The following HSDL1 variants were observed in gnomAD, a reference collection of about 807,000 sequenced individuals.
The protein encoded by HSDL1 is hydroxysteroid dehydrogenase like 1.
HSDL1 carries 29 observed loss-of-function variants against 31.5 expected under a neutral mutation model. That is an observed-to-expected ratio of 0.92 (90% CI 0.69 to 1.26). The LOEUF is 1.26. HSDL1 is among the 50% of genes most tolerant of loss of function. The probability of loss-of-function intolerance (pLI) is 0.00; values close to 1 mark genes in which losing one functional copy is unlikely to be tolerated. For synonymous variants in HSDL1, 222 were observed against 155.2 expected, an observed-to-expected ratio of 1.43 and a Z score of -3.20; for missense variants, 503 against 416.6, an observed-to-expected ratio of 1.21 and a Z score of -1.81.
intron 5 of HSDL1, among the ~76,000 whole-genome samples, chr16:84,126,902 A>G (rs1354523489): frequency 6.6e-6 from 1 of 152,252 alleles, no homozygotes; most frequent in Non-Finnish European, 1.5e-5. Flanking sequence ...TAAAATGAAA[A>G]CAGAAAGTTT....
intron 3 of HSDL1, 42 bp downstream of exon 3, chr16:84,131,060 C>A: frequency 6.7e-7 from 1 of 1,487,884 alleles, no homozygotes; most frequent in Non-Finnish European, 9.3e-7. Context: ...ATAATGCATC[C>A]GACTTCACAG....
chr16:84,123,516 T>G lies in HSDL1; in HGVS notation c.*1114A>C, dbSNP rs2086574747. The G allele has an allele frequency of 6.6e-6, 1 of 152,238 alleles. No homozygotes were observed. The highest frequency in any genetic ancestry group is 2.4e-5 in the African/African-American group (1 of 41,454). The allele number at this position is 152,238 out of a possible 1,614,324, so 9.4% of individuals were successfully genotyped here. On this transcript the variant is annotated 3_prime_UTR_variant, in exon 6 of 6. Transcript: ENST00000219439. ...TTGTGAGGGTTTGTGCATAATTATC[T>G]TCACACCAGTAAAGGTATTCACTAC...
intron 2 of HSDL1, among the ~76,000 whole-genome samples, chr16:84,133,658 G>T (rs770552152): frequency 6.6e-6 from 1 of 152,278 alleles, no homozygotes; most frequent in South Asian, 2.1e-4. Context: ...GAACCCGGGA[G>T]GAGGAAGTTA....
chr16:84,126,029 G>A (rs564040746), intron 5 of HSDL1, among the ~76,000 whole-genome samples: 17 of 151,988 alleles, frequency 1.1e-4, no homozygotes, highest in Non-Finnish European at 1.9e-4. Flanking sequence ...TGTGAACCGG[G>A]GAGGCGGAGC....
chr16:84,134,159 G>C (rs780047048), intron 2 of HSDL1, among the ~76,000 whole-genome samples: 1 of 152,038 alleles, frequency 6.6e-6, no homozygotes, highest in African/African-American at 2.4e-5. Flanking sequence ...TTCCAGATCT[G>C]CATGAGAGGA....
At chr16:84,127,422 G>A (rs56285437) in intron 5 of HSDL1, among the ~76,000 whole-genome samples, 10,305 of 151,160 alleles carry the variant, frequency 0.068, 455 homozygotes, top group South Asian at 0.19. Flanking sequence ...CACCATGTTG[G>A]CAAGGCTGGT....
rs776531965 is a variant in HSDL1 at position 84,130,222 on chromosome 16, C to G, written c.430G>C (p.Asp144His). The change falls in exon 4 of 6, where the codon GAC (aspartate) becomes CAC (histidine). Residue 144 changes from aspartate to histidine, a missense_variant. Coordinates refer to ENST00000219439, the MANE Select transcript of HSDL1 (RefSeq NM_031463.5). The part of the protein sequence containing the change: ...LPIREALKDK[D>H]VGILVNNVGV... ...ACGTTATTTACCAAGATGCCAACGT[C>G]TTTGTCCTTCAGGGCTTCTCGAATT... 2 of 1,614,102 alleles carry G rather than the reference C, an allele frequency of 1.2e-6. No homozygotes were observed. Among genetic ancestry groups the G allele is most frequent in the African/African-American group, 2.7e-5 (2 of 74,932 alleles).
rs1316594455 is a variant in HSDL1 at position 84,131,156 on chromosome 16, G to A, written c.166C>T (p.Leu56=). ...TTGATCAAGTCTGCTCTGCTCCCCA[G>A]GCGGGGGATAAAATGCAGCCTGATC... ...SLIRLHFIPR[L]GSRADLIKQY... The change falls in exon 3 of 6, where the codon CTG becomes TTG. Residue 56 remains leucine, a synonymous_variant. Coordinates refer to ENST00000219439, the MANE Select transcript of HSDL1 (RefSeq NM_031463.5). The A allele has an allele frequency of 2.5e-6, 4 of 1,614,062 alleles. No homozygotes were observed. Among genetic ancestry groups the A allele is most frequent in the Non-Finnish European group, 3.4e-6 (4 of 1,180,036 alleles).
intron 4 of HSDL1, 30 bp from the exon 5 acceptor site, chr16:84,129,805 T>C (rs758714193): frequency 1.3e-6 from 2 of 1,559,674 alleles, no homozygotes; most frequent in South Asian, 2.3e-5. Context: ...GAAAAGACTT[T>C]TAATTCTGGG....
At chr16:84,143,834 T>TA (rs752024972) in intron 1 of HSDL1, among the ~76,000 whole-genome samples, 2,717 of 112,044 alleles carry the variant, frequency 0.024, 31 homozygotes, top group African/African-American at 0.036. Context: ...CCGTCTCTAC[T>TA]AAAAAAAAAA....
At chr16:84,131,054 T>C (rs1226902551) in intron 3 of HSDL1, 48 bp downstream of exon 3, 9 of 1,425,524 alleles carry the variant, frequency 6.3e-6, no homozygotes, top group Non-Finnish European at 8.8e-6. Context: ...CCTTGAATAA[T>C]GCATCCGACT....
intron 2 of HSDL1, among the ~76,000 whole-genome samples, chr16:84,135,239 GAAAAAAGAAAAAAA>G (rs1476886911): frequency 1.7e-5 from 2 of 117,742 alleles, no homozygotes; most frequent in African/African-American, 3.4e-5. Flanking sequence ...TCTCAAAAAA[GAAAAAAGAAAAAAA>G]AAAAAAGAAA....
intron 1 of HSDL1, among the ~76,000 whole-genome samples, 155 bp downstream of exon 1, chr16:84,144,925 G>C (rs1597385495): frequency 6.6e-6 from 1 of 151,972 alleles, no homozygotes; most frequent in Non-Finnish European, 1.5e-5. Flanking sequence ...AAGGGGCTTC[G>C]GGGCCGGATG....
intron 2 of HSDL1, among the ~76,000 whole-genome samples, chr16:84,133,775 C>T (rs1375493352): frequency 3.9e-5 from 6 of 152,272 alleles, no homozygotes; most frequent in East Asian, 1.9e-4. Flanking sequence ...AGTTGGGCCC[C>T]TTTATTCCCT....
In HSDL1 at chr16:84,128,757, G is replaced by C. The variant is rs2086632978; in HGVS notation, c.894+791C>G. On this transcript the variant is annotated intron_variant, in intron 5 of 5. Coordinates refer to ENST00000219439, the MANE Select transcript of HSDL1 (RefSeq NM_031463.5). Reference sequence around the variant, plus strand: ...GAGCCTTGCTCTGTCGCCTAGGCTGGAGTGCAGTAGCGTGATCTTGGCTCA... The same window carrying C: ...GAGCCTTGCTCTGTCGCCTAGGCTGCAGTGCAGTAGCGTGATCTTGGCTCA... Among the ~76,000 whole-genome samples the C allele has an allele frequency of 2.6e-5, 4 of 151,864 alleles. No homozygotes were observed. In the South Asian group the frequency reaches 8.4e-4, roughly 32 times the overall value.
chr16:84,144,888 C>G (rs960868997), intron 1 of HSDL1, among the ~76,000 whole-genome samples, 192 bp downstream of exon 1: 7 of 148,920 alleles, frequency 4.7e-5, no homozygotes, highest in African/African-American at 1.0e-4. Flanking sequence ...GACGGAGGGA[C>G]GAAGATTTCC....
At chr16:84,142,119 G>C (rs2086774442) in intron 1 of HSDL1, among the ~76,000 whole-genome samples, 1 of 152,114 alleles carries the variant, frequency 6.6e-6, no homozygotes, top group Non-Finnish European at 1.5e-5. Flanking sequence ...GTAGAGATGA[G>C]GTTTCACCAT....
chr16:84,127,965 C>A (rs1246337222), intron 5 of HSDL1, among the ~76,000 whole-genome samples: 1 of 149,674 alleles, frequency 6.7e-6, no homozygotes, highest in Non-Finnish European at 1.5e-5. Context: ...GTGATCCGCC[C>A]GCCTTGGCCT....
chr16:84,131,137 A>C lies in HSDL1; in HGVS notation c.185T>G (p.Leu62Trp). Residue 62 changes from leucine (L) to tryptophan (W), a missense_variant, in exon 3 of 6, where the codon TTG becomes TGG. By Grantham distance (61) the Leu-to-Trp change is moderately conservative. Coordinates refer to ENST00000219439, the MANE Select transcript of HSDL1 (RefSeq NM_031463.5). ...FIPRLGSRAD[L>W]IKQYGRWAVV... ...GGCCCATCTTCCATACTGCTTGATCAAGTCTGCTCTGCTCCCCAGGCGGGG... is the reference window on the plus strand; with the variant it reads ...GGCCCATCTTCCATACTGCTTGATCCAGTCTGCTCTGCTCCCCAGGCGGGG... 6.2e-7 allele frequency: 1 copy of C among 1,614,064 alleles called. No homozygotes were observed. The highest frequency in any genetic ancestry group is 8.5e-7 in the Non-Finnish European group (1 of 1,179,918).
Sources: allele counts gnomAD v4.1 joint callset (sites outside exome capture counted in the v4.1 genomes callset), GRCh38; gene constraint gnomAD v4.1.1; transcripts MANE v1.5; gene names NCBI Gene and HGNC (gene_info 2026-07-23, HGNC 2026-07-21).